Variants in MLLT10 observed in about 807,000 individuals in gnomAD.
MLLT10 encodes the protein MLLT10 histone lysine methyltransferase DOT1L cofactor, also known as protein AF-10.
Under a neutral mutation model 129.1 loss-of-function variants are expected in MLLT10, and 30 were observed. The observed-to-expected ratio is 0.23, with a 90% confidence interval of 0.17 to 0.32. The LOEUF is 0.32. MLLT10 is among the 10% of genes least tolerant of loss of function. The probability of loss-of-function intolerance (pLI) is 1.00; values close to 1 mark genes in which losing one functional copy is unlikely to be tolerated. For synonymous variants in MLLT10, 490 were observed against 446.4 expected (o/e 1.10, Z -1.23); for missense variants, 1,119 against 1,268.3 (o/e 0.88, Z 1.79).
chr10:21,564,558 T>C (rs1364462651), intron 3 of MLLT10: 2 of 152,146 alleles, frequency 1.3e-5, no homozygotes, highest in African/African-American at 4.8e-5. Context: ...TTTTGGTATA[T>C]GTGCTGTTGA....
intron 4 of MLLT10, among the ~76,000 whole-genome samples, chr10:21,592,951 C>G (rs2042653674): frequency 6.6e-6 from 1 of 152,076 alleles, no homozygotes; most frequent in Non-Finnish European, 1.5e-5. Context: ...TGTGTTAGAT[C>G]TGCCTGCCTA....
chr10:21,721,227 C>A (rs1260652713), intron 14 of MLLT10, among the ~76,000 whole-genome samples: 1 of 152,014 alleles, frequency 6.6e-6, no homozygotes, highest in African/African-American at 2.4e-5. Context: ...CTATATATAA[C>A]CTGTTCCTGT....
intron 13 of MLLT10, among the ~76,000 whole-genome samples, chr10:21,687,906 G>T (rs1418861535): frequency 6.6e-6 from 1 of 152,164 alleles, no homozygotes; most frequent in Non-Finnish European, 1.5e-5. Context: ...GTGTAGGAAA[G>T]AATTTGACTA....
At chr10:21,551,289 CTTTTTTTTTTTTTTT>C (rs11461905) in intron 3 of MLLT10, among the ~76,000 whole-genome samples, 5 of 91,966 alleles carry the variant, frequency 5.4e-5, no homozygotes, top group East Asian at 5.9e-4. Flanking sequence ...CGGATTGTAC[CTTTTTTTTTTTTTTT>C]TTTTTTTTTT....
chr10:21,736,550 G>A (rs2058380898), intron 21 of MLLT10, among the ~76,000 whole-genome samples: 1 of 152,212 alleles, frequency 6.6e-6, no homozygotes, highest in African/African-American at 2.4e-5. Context: ...CAAAGTGCTG[G>A]AATTACAGGT....
At chr10:21,614,321 C>T (rs566512467) in intron 6 of MLLT10, among the ~76,000 whole-genome samples, 1 of 150,454 alleles carries the variant, frequency 6.6e-6, no homozygotes, top group Non-Finnish European at 1.5e-5. Context: ...GTTTATCTCG[C>T]TTATTGTGCT....
rs140375791 is a variant in MLLT10 at position 21,722,773 on chromosome 10, C to T, written c.1879-3471C>T. ...CTTTCCGAAAGACTCATCAAGGGTC[C>T]CAGTATTAACTGTTCCAAACATCAG... is the stretch of plus-strand genomic sequence containing the variant. On this transcript the variant is annotated intron_variant, in intron 14 of 22. Coordinates refer to ENST00000307729, the MANE Select transcript of MLLT10 (RefSeq NM_001195626.3). 1.9e-4 allele frequency among the ~76,000 whole-genome samples: 29 copies of T among 152,122 alleles called. No individual in the cohort carries two copies. In the East Asian group the frequency reaches 5.6e-3, roughly 29 times the overall value.
chr10:21,578,321 G>A (rs1433387072), intron 3 of MLLT10, among the ~76,000 whole-genome samples: 1 of 152,168 alleles, frequency 6.6e-6, no homozygotes, highest in Non-Finnish European at 1.5e-5. Context: ...TAACTGGGCT[G>A]TATAGCTTTT....
intron 8 of MLLT10, among the ~76,000 whole-genome samples, chr10:21,647,058 G>A (rs1168556051): frequency 3.3e-5 from 5 of 151,952 alleles, no homozygotes; most frequent in African/African-American, 7.2e-5. Context: ...GGGTTTCACC[G>A]TCTTAGCCAG....
At chr10:21,554,937 T>G (rs1424645298) in intron 3 of MLLT10, among the ~76,000 whole-genome samples, 1 of 151,894 alleles carries the variant, frequency 6.6e-6, no homozygotes, top group Non-Finnish European at 1.5e-5. Context: ...TTCTCAGGCC[T>G]CAGCCTCCCG....
chr10:21,713,850 G>C lies in MLLT10; in HGVS notation c.1778G>C (p.Ser593Thr), dbSNP rs1179986058. Reference sequence around the variant, plus strand: ...TCGGGATCTAGTACTCCTGTCTCCAGCTCTCACTTACCTCAGCAGTCTTCT... The same window carrying C: ...TCGGGATCTAGTACTCCTGTCTCCACCTCTCACTTACCTCAGCAGTCTTCT... ...SGSGSSTPVS[S>T]SHLPQQSSGH... Residue 593 changes from serine (S) to threonine (T), a missense_variant, in exon 14 of 23, where the codon AGC becomes ACC. Transcript: ENST00000307729. 8.1e-6 allele frequency: 13 copies of C among 1,613,954 alleles called. No individual in the cohort carries two copies. The highest frequency in any genetic ancestry group is 1.7e-5 in the Admixed American group (1 of 59,980).
intron 3 of MLLT10, among the ~76,000 whole-genome samples, chr10:21,582,791 G>A (rs1292281942): frequency 2.0e-5 from 3 of 152,204 alleles, no homozygotes; most frequent in East Asian, 1.9e-4. Context: ...GGTGTCTTGC[G>A]TGAGCAATGT....
At chr10:21,735,368 T>C in intron 21 of MLLT10, 133 bp downstream of exon 21, 2 of 711,518 alleles carry the variant, frequency 2.8e-6, no homozygotes, top group Non-Finnish European at 4.6e-6. Context: ...TCTTGCCATG[T>C]GGTACAGGCT....
intron 3 of MLLT10, among the ~76,000 whole-genome samples, chr10:21,577,908 T>C (rs182329964): frequency 6.6e-6 from 1 of 152,248 alleles, no homozygotes; most frequent in East Asian, 1.9e-4. Context: ...TTATATTATT[T>C]TTTTAGACAG....
chr10:21,624,495 T>C, intron 8 of MLLT10: 1 of 675,484 alleles, frequency 1.5e-6, no homozygotes, highest in Admixed American at 2.7e-5. Flanking sequence ...AAATTGCTAC[T>C]TAAAGATGAA....
intron 4 of MLLT10, among the ~76,000 whole-genome samples, chr10:21,591,442 GTCT>G (rs1283330748): frequency 6.6e-6 from 1 of 152,152 alleles, no homozygotes; most frequent in Non-Finnish European, 1.5e-5. Flanking sequence ...AGAAGTAGAA[GTCT>G]TCTGCTGTTT....
At chr10:21,661,160 ACAC>A (rs1304900565) in intron 9 of MLLT10, among the ~76,000 whole-genome samples, 9 of 152,186 alleles carry the variant, frequency 5.9e-5, no homozygotes, top group Non-Finnish European at 1.3e-4. Flanking sequence ...AGAGCAAGGC[ACAC>A]TGTATGATTT....
intron 4 of MLLT10, among the ~76,000 whole-genome samples, chr10:21,594,681 C>G (rs1244797433): frequency 6.6e-6 from 1 of 150,952 alleles, no homozygotes; most frequent in Admixed American, 6.6e-5. Context: ...CCGGTTTTAG[C>G]CCAGAAACTC....
chr10:21,737,603 C>T (rs1206211682), intron 21 of MLLT10, among the ~76,000 whole-genome samples: 1 of 151,980 alleles, frequency 6.6e-6, no homozygotes, highest in Admixed American at 6.5e-5. Flanking sequence ...AAGTGATCAG[C>T]AGAGGGAAGG....
Sources: gnomAD v4.1 joint callset for allele counts (sites outside exome capture counted in the v4.1 genomes callset) on GRCh38, gnomAD v4.1.1 for gene constraint, MANE v1.5 for transcripts, NCBI Gene and HGNC (gene_info 2026-07-23, HGNC 2026-07-21) for gene names.